Variants in ADGRL3 observed in about 807,000 individuals in gnomAD.
ADGRL3 encodes calcium-independent alpha-latrotoxin receptor 3.
Under a neutral mutation model 153.5 loss-of-function variants are expected in ADGRL3, and 62 were observed. That is an observed-to-expected ratio of 0.40 (90% CI 0.33 to 0.50). The LOEUF (loss-of-function observed/expected upper bound fraction) is 0.50, where lower values mean the gene tolerates loss of function less well. Among genes scored for constraint, ADGRL3 ranks in the 20% least tolerant of loss-of-function variants. The probability of loss-of-function intolerance (pLI) is 0.47; values close to 1 mark genes in which losing one functional copy is unlikely to be tolerated. For synonymous variants in ADGRL3, 710 were observed against 672.5 expected (o/e 1.06, Z -0.86); for missense variants, 1,641 against 1,859.4 (o/e 0.88, Z 2.16).
intron 1 of ADGRL3, among the ~76,000 whole-genome samples, chr4:61,253,805 CT>C (rs1432044697): frequency 2.6e-5 from 4 of 151,938 alleles, no homozygotes; most frequent in African/African-American, 9.7e-5. Flanking sequence ...TTACTTTGTA[CT>C]TTATAATGAA....
At chr4:62,061,489 T>C (rs1419166048) in intron 25 of ADGRL3, among the ~76,000 whole-genome samples, 1 of 152,002 alleles carries the variant, frequency 6.6e-6, no homozygotes, top group East Asian at 1.9e-4. Context: ...TGTGTTTAGT[T>C]CTATGCAATT....
chr4:61,446,831 T>C (rs1300930547), intron 2 of ADGRL3, among the ~76,000 whole-genome samples: 1 of 152,166 alleles, frequency 6.6e-6, no homozygotes, highest in Non-Finnish European at 1.5e-5. Context: ...TACCCATTTG[T>C]TTTCCCTACT....
chr4:62,044,375 C>A, intron 24 of ADGRL3, 78 bp from the exon 25 acceptor site: 2 of 967,100 alleles, frequency 2.1e-6, no homozygotes, highest in Non-Finnish European at 3.2e-6. Flanking sequence ...ATAATTATGA[C>A]AGAAAAGAAA....
chr4:61,586,573 C>T lies in ADGRL3; in HGVS notation c.260-654C>T, dbSNP rs532715262. Among the ~76,000 whole-genome samples the T allele has an allele frequency of 9.1e-4, 138 of 152,128 alleles. 1 individual carries two copies. Among genetic ancestry groups the T allele is most frequent in the African/African-American group, 3.1e-3 (128 of 41,548 alleles). ...GAGGAGCGGGAGAACACACACATGT[C>T]TGTTTCTGTGAAGAAAATTCTAATT... is the stretch of plus-strand genomic sequence containing the variant. On this transcript the variant is annotated intron_variant, in intron 4 of 26. Coordinates refer to ENST00000683033, the MANE Select transcript of ADGRL3 (RefSeq NM_001387552.1).
At chr4:61,294,950 T>C (rs919311288) in intron 1 of ADGRL3, among the ~76,000 whole-genome samples, 1 of 151,732 alleles carries the variant, frequency 6.6e-6, no homozygotes, top group Non-Finnish European at 1.5e-5. Flanking sequence ...TCCCCATTAT[T>C]CGCGGTTTCA....
intron 6 of ADGRL3, among the ~76,000 whole-genome samples, chr4:61,694,844 C>T (rs1561076644): frequency 6.6e-6 from 1 of 152,154 alleles, no homozygotes; most frequent in Non-Finnish European, 1.5e-5. Flanking sequence ...ATGTAATATT[C>T]CAAATCCTTT....
intron 3 of ADGRL3, among the ~76,000 whole-genome samples, chr4:61,514,418 A>G (rs1338445358): frequency 6.6e-6 from 1 of 152,226 alleles, no homozygotes; most frequent in Non-Finnish European, 1.5e-5. Flanking sequence ...ACTTATTTGT[A>G]TAATAGCTTC....
intron 8 of ADGRL3, among the ~76,000 whole-genome samples, chr4:61,741,458 C>T (rs1335830130): frequency 1.3e-5 from 2 of 152,138 alleles, no homozygotes; most frequent in Non-Finnish European, 2.9e-5. Flanking sequence ...CAGAGGAGCC[C>T]CTTCTTTTTC....
At chr4:61,714,221 G>GCGCACACACACACACACACACACA (rs370670675) in intron 6 of ADGRL3, among the ~76,000 whole-genome samples, 2 of 150,742 alleles carry the variant, frequency 1.3e-5, no homozygotes, top group East Asian at 3.9e-4. Flanking sequence ...TGTAAAATAC[G>GCGCACACACACACACACACACACA]CACACACACA....
intron 9 of ADGRL3, among the ~76,000 whole-genome samples, chr4:61,819,942 C>G (rs907704383): frequency 6.6e-6 from 1 of 152,050 alleles, no homozygotes; most frequent in Non-Finnish European, 1.5e-5. Context: ...CTTCTTCCCC[C>G]TCACCTGTGA....
intron 8 of ADGRL3, among the ~76,000 whole-genome samples, chr4:61,747,657 AC>A (rs1486043893): frequency 1.4e-5 from 2 of 144,262 alleles, no homozygotes; most frequent in East Asian, 2.1e-4. Context: ...AAATTCAACA[AC>A]CCTTCATGCT....
chr4:61,740,764 A>G (rs2096572304), intron 8 of ADGRL3, among the ~76,000 whole-genome samples: 1 of 152,218 alleles, frequency 6.6e-6, no homozygotes, highest in African/African-American at 2.4e-5. Flanking sequence ...AGCAATAAGT[A>G]CTAACAATAG....
At chr4:61,553,572 A>AT (rs1482810012) in intron 4 of ADGRL3, among the ~76,000 whole-genome samples, 25 of 152,336 alleles carry the variant, frequency 1.6e-4, no homozygotes, top group African/African-American at 6.0e-4. Context: ...TTTTACCCAC[A>AT]TGCACTTATT....
intron 2 of ADGRL3, among the ~76,000 whole-genome samples, chr4:61,496,897 C>T (rs1271544472): frequency 2.7e-5 from 4 of 149,022 alleles, no homozygotes; most frequent in East Asian, 4.1e-4. Flanking sequence ...GCCGAGATCG[C>T]GCCACTGCAC....
intron 5 of ADGRL3, among the ~76,000 whole-genome samples, chr4:61,628,215 AG>A (rs1253841245): frequency 6.6e-6 from 1 of 152,168 alleles, no homozygotes; most frequent in Non-Finnish European, 1.5e-5. Context: ...TGACACAGAG[AG>A]GTTTAATAAC....
chr4:62,041,545 AAT>A (rs1262143978), intron 24 of ADGRL3, among the ~76,000 whole-genome samples: 1 of 152,074 alleles, frequency 6.6e-6, no homozygotes, highest in Non-Finnish European at 1.5e-5. Context: ...GAACATTTTC[AAT>A]ATGTTTTCCT....
intron 2 of ADGRL3, among the ~76,000 whole-genome samples, chr4:61,490,202 T>G (rs919749385): frequency 3.3e-5 from 5 of 152,100 alleles, no homozygotes; most frequent in African/African-American, 1.2e-4. Flanking sequence ...CAATTACCAC[T>G]CTCACAGATC....
intron 1 of ADGRL3, among the ~76,000 whole-genome samples, chr4:61,372,952 CG>C (rs1277336188): frequency 9.2e-5 from 14 of 152,142 alleles, no homozygotes; most frequent in African/African-American, 2.2e-4. Context: ...TTAAGCCCGT[CG>C]GAAAAGCGCA....
intron 8 of ADGRL3, among the ~76,000 whole-genome samples, chr4:61,750,798 A>G (rs4860430): frequency 5.1e-5 from 2 of 39,596 alleles, no homozygotes; most frequent in African/African-American, 3.0e-4. Flanking sequence ...TCAAAAAAGA[A>G]AAAAAAAAAA....
Sources: gnomAD v4.1 joint callset for allele counts (sites outside exome capture counted in the v4.1 genomes callset) on GRCh38, gnomAD v4.1.1 for gene constraint, MANE v1.5 for transcripts, NCBI Gene and HGNC (gene_info 2026-07-23, HGNC 2026-07-21) for gene names.